Variants in HPSE2 observed in about 807,000 individuals in gnomAD.
The protein encoded by HPSE2 is inactive heparanase-2.
HPSE2 carries 38 observed loss-of-function variants against 60.5 expected under a neutral mutation model. The ratio of observed to expected loss-of-function variants is 0.63; its 90% CI spans 0.48 to 0.82. The LOEUF (loss-of-function observed/expected upper bound fraction) is 0.82, where lower values mean the gene tolerates loss of function less well. Ranked by LOEUF, HPSE2 falls within the 40% of genes least tolerant of loss-of-function variation. The pLI, the probability that HPSE2 is intolerant of heterozygous loss-of-function variation, is 0.00. For missense variants in HPSE2, 713 were observed against 740.4 expected, an observed-to-expected ratio of 0.96 and a Z score of 0.43; for synonymous variants, 295 against 293.2, an observed-to-expected ratio of 1.01 and a Z score of -0.06.
intron 9 of HPSE2, among the ~76,000 whole-genome samples, chr10:98,561,420 C>A (rs2447305): frequency 0.85 from 129,347 of 152,182 alleles, 56,224 homozygotes; most frequent in East Asian, 1. Context: ...ATCTTAAAGA[C>A]TAAGGATATA....
intron 3 of HPSE2, among the ~76,000 whole-genome samples, chr10:98,799,399 G>A (rs1178979096): frequency 6.6e-6 from 1 of 152,104 alleles, no homozygotes; most frequent in Non-Finnish European, 1.5e-5. Context: ...AAATCAAGAA[G>A]GAAACATCGG....
At chr10:98,504,961 CTG>C (rs1942153323) in intron 9 of HPSE2, among the ~76,000 whole-genome samples, 4 of 152,190 alleles carry the variant, frequency 2.6e-5, no homozygotes, top group South Asian at 4.1e-4. Context: ...ACGTAATTTC[CTG>C]TGTCTTAATT....
chr10:99,074,553 G>C (rs943698815), intron 3 of HPSE2, among the ~76,000 whole-genome samples: 2 of 152,084 alleles, frequency 1.3e-5, no homozygotes, highest in African/African-American at 4.8e-5. Flanking sequence ...CTGGTATCAG[G>C]GTAATGCTAG....
At chr10:99,108,861 A>G (rs1844349564) in intron 3 of HPSE2, among the ~76,000 whole-genome samples, 1 of 152,182 alleles carries the variant, frequency 6.6e-6, no homozygotes, top group African/African-American at 2.4e-5. Flanking sequence ...TTTACAATTC[A>G]TATTCTTCCT....
intron 2 of HPSE2, among the ~76,000 whole-genome samples, chr10:99,149,421 G>A (rs965806232): frequency 1.3e-5 from 2 of 152,252 alleles, no homozygotes; most frequent in East Asian, 1.9e-4. Context: ...CACAGGTTTC[G>A]AATTCAAATA....
At position 99,235,619 on chromosome 10, in the gene HPSE2, G is replaced by A. The variant is rs1264751633; in HGVS notation, c.184C>T (p.Leu62=). The A allele has an allele frequency of 1.9e-6, 3 of 1,613,966 alleles. No homozygotes were observed. Among genetic ancestry groups the A allele is most frequent in the East Asian group, 2.2e-5 (1 of 44,876 alleles). ...GGGTTCTTGGTGCTCACATCAAGTA[G>A]AATCAGGGTCTTTTCCTTCAAACCT... ...AAGLKEKTLI[L]LDVSTKNPVR... Residue 62 remains leucine, a synonymous_variant, in exon 1 of 12, where the codon CTA becomes TTA. Coordinates refer to ENST00000370552, the MANE Select transcript of HPSE2 (RefSeq NM_021828.5).
chr10:99,086,238 A>G (rs576148788), intron 3 of HPSE2, among the ~76,000 whole-genome samples: 51 of 152,216 alleles, frequency 3.4e-4, no homozygotes, highest in Non-Finnish European at 7.1e-4. Flanking sequence ...CTAACATAAA[A>G]GAGTTACACA....
intron 3 of HPSE2, among the ~76,000 whole-genome samples, chr10:98,896,226 C>T (rs899054795): frequency 6.6e-6 from 1 of 151,704 alleles, no homozygotes; most frequent in Non-Finnish European, 1.5e-5. Context: ...TTCCAGGTGG[C>T]GAATTGCAAA....
intron 3 of HPSE2, among the ~76,000 whole-genome samples, chr10:98,849,622 G>A (rs975086161): frequency 1.3e-5 from 2 of 152,076 alleles, no homozygotes; most frequent in Non-Finnish European, 1.5e-5. Flanking sequence ...TCTCCTAAAG[G>A]GAAAGGAAAG....
At chr10:99,196,470 T>C (rs924320300) in intron 2 of HPSE2, among the ~76,000 whole-genome samples, 53 of 152,118 alleles carry the variant, frequency 3.5e-4, no homozygotes, top group African/African-American at 1.2e-3. Flanking sequence ...TGACAAGGGA[T>C]TAATAACCAG....
At chr10:98,982,387 T>G (rs1257456958) in intron 3 of HPSE2, among the ~76,000 whole-genome samples, 1 of 152,190 alleles carries the variant, frequency 6.6e-6, no homozygotes, top group East Asian at 1.9e-4. Context: ...ACAGAAAGCT[T>G]TATAAAGAAA....
the HPSE2 span, among the ~76,000 whole-genome samples, chr10:99,244,219 A>G: frequency 6.6e-6 from 1 of 151,522 alleles, no homozygotes; most frequent in African/African-American, 2.4e-5. Flanking sequence ...GGGTTTCACC[A>G]TGTTAGCCAG....
the HPSE2 span, among the ~76,000 whole-genome samples, chr10:99,290,249 G>A: frequency 7.2e-5 from 11 of 152,258 alleles, no homozygotes; most frequent in African/African-American, 2.6e-4. Flanking sequence ...ATGGAGAAGT[G>A]AAAAAGCCAG....
chr10:98,461,614 A>G lies in HPSE2; in HGVS notation c.1614-1875T>C, dbSNP rs564340984. 7.9e-4 allele frequency: 471 copies of G among 596,434 alleles called. 5 individuals carry two copies. The highest frequency in any genetic ancestry group is 2.4e-4 in the Admixed American group (8 of 33,644). The allele number at this position is 596,434 out of a possible 1,614,324, so 36.9% of individuals were successfully genotyped here. A position where few individuals can be genotyped will look rare whatever the true frequency, so the allele number is the denominator to read the frequency against. ...TTTGTTTCAGGTGCTATGAATATCTATCACCCAGATATAAGCACAGTCAAA... is the reference window on the plus strand; with the variant it reads ...TTTGTTTCAGGTGCTATGAATATCTGTCACCCAGATATAAGCACAGTCAAA... On this transcript the variant is annotated intron_variant, in intron 11 of 11. Coordinates refer to ENST00000370552, the MANE Select transcript of HPSE2 (RefSeq NM_021828.5).
chr10:98,881,968 G>T (rs1263668667), intron 3 of HPSE2, among the ~76,000 whole-genome samples: 1 of 152,066 alleles, frequency 6.6e-6, no homozygotes, highest in Non-Finnish European at 1.5e-5. Flanking sequence ...GCTCATGGTT[G>T]GCAGAGTTTA....
chr10:98,891,484 T>C (rs1311602994), intron 3 of HPSE2, among the ~76,000 whole-genome samples: 3 of 152,022 alleles, frequency 2.0e-5, no homozygotes, highest in Non-Finnish European at 1.5e-5. Context: ...TATCTCTCTG[T>C]GTGACCCAGG....
At chr10:99,279,260 T>G in the HPSE2 span, among the ~76,000 whole-genome samples, 1 of 152,106 alleles carries the variant, frequency 6.6e-6, no homozygotes, top group Non-Finnish European at 1.5e-5. Flanking sequence ...TGATAGCACA[T>G]AAATGAGCTA....
At chr10:99,129,084 T>C (rs1845280190) in intron 3 of HPSE2, among the ~76,000 whole-genome samples, 1 of 152,032 alleles carries the variant, frequency 6.6e-6, no homozygotes, top group Admixed American at 6.6e-5. Context: ...AAAGGATCAG[T>C]CCAACAGGAA....
chr10:98,836,281 A>G (rs1310817162), intron 3 of HPSE2, among the ~76,000 whole-genome samples: 1 of 152,194 alleles, frequency 6.6e-6, no homozygotes, highest in Non-Finnish European at 1.5e-5. Flanking sequence ...TTTTGCTCTT[A>G]GAGTCTAAAA....
Sources: gnomAD v4.1 joint callset for allele counts (sites outside exome capture counted in the v4.1 genomes callset) on GRCh38, gnomAD v4.1.1 for gene constraint, MANE v1.5 for transcripts, NCBI Gene and HGNC (gene_info 2026-07-23, HGNC 2026-07-21) for gene names.